The following THSD7B variants were observed in gnomAD, a reference collection of about 807,000 sequenced individuals.
THSD7B encodes the protein thrombospondin type 1 domain containing 7B.
In THSD7B, 138 loss-of-function variants were observed where a neutral mutation model predicts 213.6. The ratio of observed to expected loss-of-function variants is 0.65; its 90% CI spans 0.56 to 0.74. The LOEUF (loss-of-function observed/expected upper bound fraction) is 0.74. THSD7B is among the 30% of genes least tolerant of loss of function. The pLI, the probability that THSD7B is intolerant of heterozygous loss-of-function variation, is 0.00. For missense variants in THSD7B, 1,931 were observed against 1,991.5 expected, an observed-to-expected ratio of 0.97 and a Z score of 0.58; for synonymous variants, 742 against 687.0, an observed-to-expected ratio of 1.08 and a Z score of -1.25.
intron 2 of THSD7B, among the ~76,000 whole-genome samples, chr2:137,049,987 G>A (rs1468534973): frequency 6.6e-6 from 1 of 152,124 alleles, no homozygotes; most frequent in Non-Finnish European, 1.5e-5. Context: ...CACTGGATTG[G>A]GTGTGTGTAA....
chr2:136,984,842 C>G (rs918249584), intron 2 of THSD7B, among the ~76,000 whole-genome samples: 13 of 152,054 alleles, frequency 8.5e-5, no homozygotes, highest in African/African-American at 3.1e-4. Flanking sequence ...ACAGCGAAGG[C>G]CAGGCTGAAG....
intron 20 of THSD7B, among the ~76,000 whole-genome samples, chr2:137,629,243 T>C (rs1682693975): frequency 6.6e-6 from 1 of 152,322 alleles, no homozygotes; most frequent in Non-Finnish European, 1.5e-5. Context: ...CCTACATTCT[T>C]AGGTCTCATT....
chr2:136,896,515 G>A (rs77069368), intron 2 of THSD7B, among the ~76,000 whole-genome samples: 2,151 of 152,134 alleles, frequency 0.014, 30 homozygotes, highest in Middle Eastern at 0.068. Flanking sequence ...CAGTTCAATG[G>A]TGTCTTTTGA....
intron 2 of THSD7B, among the ~76,000 whole-genome samples, chr2:137,052,192 A>T (rs1051335919): frequency 1.3e-5 from 2 of 152,208 alleles, no homozygotes; most frequent in South Asian, 4.1e-4. Flanking sequence ...TGTGGCTTAA[A>T]ATACTTGGAC....
chr2:136,948,668 T>C (rs1480532737), intron 2 of THSD7B, among the ~76,000 whole-genome samples: 2 of 152,220 alleles, frequency 1.3e-5, no homozygotes, highest in Non-Finnish European at 2.9e-5. Flanking sequence ...CATATGTGTA[T>C]AATAAAAGCA....
intron 14 of THSD7B, among the ~76,000 whole-genome samples, chr2:137,447,911 C>T (rs546869112): frequency 2.0e-4 from 31 of 152,140 alleles, no homozygotes; most frequent in African/African-American, 7.5e-4. Flanking sequence ...AGAAAATGGA[C>T]ACTTTTTTCA....
intron 26 of THSD7B, 50 bp downstream of exon 26, chr2:137,663,625 A>G: frequency 1.3e-6 from 2 of 1,490,340 alleles, no homozygotes; most frequent in Non-Finnish European, 1.8e-6. Context: ...TGGGAGGTCT[A>G]TATTTTGACC....
At chr2:137,486,099 AT>A (rs1157928787) in intron 15 of THSD7B, among the ~76,000 whole-genome samples, 29 of 152,322 alleles carry the variant, frequency 1.9e-4, no homozygotes, top group Middle Eastern at 3.4e-3. Context: ...AACAAGCAAA[AT>A]AACCAGCTAA....
intron 2 of THSD7B, among the ~76,000 whole-genome samples, chr2:136,898,579 G>GCAC (rs1684006093): frequency 8.6e-6 from 1 of 116,584 alleles, no homozygotes; most frequent in Non-Finnish European, 1.8e-5. Flanking sequence ...TTGTCCCCCC[G>GCAC]CCCCCCCGCC....
intron 5 of THSD7B, among the ~76,000 whole-genome samples, chr2:137,121,783 T>A (rs1468932165): frequency 2.0e-5 from 3 of 152,220 alleles, no homozygotes; most frequent in African/African-American, 7.2e-5. Context: ...TTTCTGGAAT[T>A]CAAAATGGAA....
At chr2:137,367,101 A>G (rs2104944539) in intron 12 of THSD7B, among the ~76,000 whole-genome samples, 1 of 152,120 alleles carries the variant, frequency 6.6e-6, no homozygotes, top group Non-Finnish European at 1.5e-5. Context: ...TTGGCTTGAA[A>G]TCTTTCCCTG....
chr2:137,437,239 G>C (rs576616286), intron 14 of THSD7B, among the ~76,000 whole-genome samples: 1 of 152,220 alleles, frequency 6.6e-6, no homozygotes, highest in Non-Finnish European at 1.5e-5. Context: ...GGCAGCCCAA[G>C]CTCTGATTTG....
At position 136,832,641 on chromosome 2, in the gene THSD7B, A is replaced by G. The variant is rs189433407; in HGVS notation, c.-35-49503A>G. On this transcript the variant is annotated intron_variant, in intron 1 of 27. Transcript: ENST00000409968. ...ATCATCACAACATGGAGCTGTCCCC[A>G]GTGGTCCTCATCACTTTGCCACTGG... 3.3e-4 allele frequency among the ~76,000 whole-genome samples: 51 copies of G among 152,340 alleles called. 1 individual carries two copies. In the East Asian group the frequency reaches 7.9e-3, roughly 24 times the overall value.
At chr2:136,914,118 G>A (rs1363234776) in intron 2 of THSD7B, among the ~76,000 whole-genome samples, 1 of 152,212 alleles carries the variant, frequency 6.6e-6, no homozygotes, top group Non-Finnish European at 1.5e-5. Flanking sequence ...AGCGTAACCT[G>A]GATGTGAGAC....
Position 137,145,593 on chromosome 2 carries a change from T to C in THSD7B, c.1370-14620T>C, listed in dbSNP as rs188691505. On this transcript the variant is annotated intron_variant, in intron 5 of 27. Coordinates refer to ENST00000409968, the MANE Select transcript of THSD7B (RefSeq NM_001316349.2). ...TCTGAAAAGCCATGACTACTATCCA[T>C]TGAGAGCCCCCCATGCTGCCAAATA... 2.0e-4 allele frequency among the ~76,000 whole-genome samples: 31 copies of C among 152,178 alleles called. No individual in the cohort carries two copies. The East Asian group carries it at 5.2e-3, about 26-fold the overall frequency.
rs376029153 is a variant in THSD7B at position 137,582,299 on chromosome 2, A to T, written c.3423+9743A>T. On this transcript the variant is annotated intron_variant, in intron 17 of 27. Transcript: ENST00000409968. ...AATTTGTTAAGTTTCAACATTTTAT[A>T]TTCTTTAAACTAGTTTTGTTAAATG... Among the ~76,000 whole-genome samples, 3 of 152,104 alleles carry T rather than the reference A, an allele frequency of 2.0e-5. No individual in the cohort carries two copies. In the East Asian group the frequency reaches 5.8e-4, roughly 29 times the overall value.
chr2:137,168,608 A>G (rs961956226), intron 6 of THSD7B, among the ~76,000 whole-genome samples: 1 of 152,142 alleles, frequency 6.6e-6, no homozygotes. Flanking sequence ...ATGGAGGAAA[A>G]CTGAACATGC....
At chr2:136,921,037 A>C (rs1456852292) in intron 2 of THSD7B, among the ~76,000 whole-genome samples, 1 of 152,010 alleles carries the variant, frequency 6.6e-6, no homozygotes, top group African/African-American at 2.4e-5. Context: ...TGAACTCGGC[A>C]TCAGCACCCG....
chr2:136,844,241 A>G (rs924540510), intron 1 of THSD7B, among the ~76,000 whole-genome samples: 1 of 152,184 alleles, frequency 6.6e-6, no homozygotes, highest in African/African-American at 2.4e-5. Context: ...GAAGCCAATC[A>G]GTGGACAATG....
Sources: allele counts gnomAD v4.1 joint callset (sites outside exome capture counted in the v4.1 genomes callset), GRCh38; gene constraint gnomAD v4.1.1; transcripts MANE v1.5; gene names NCBI Gene and HGNC (gene_info 2026-07-23, HGNC 2026-07-21).